The following ERCC4 variants were observed in gnomAD, a reference collection of about 807,000 sequenced individuals.
The protein encoded by ERCC4 is ERCC excision repair 4, endonuclease catalytic subunit.
In ERCC4, 65 loss-of-function variants were observed where a neutral mutation model predicts 76.9. The ratio of observed to expected loss-of-function variants is 0.84; its 90% CI spans 0.69 to 1.04. The LOEUF (loss-of-function observed/expected upper bound fraction) is 1.04, where lower values mean the gene tolerates loss of function less well. Ranked by LOEUF, ERCC4 falls within the 50% of genes least tolerant of loss-of-function variation. The pLI is 0.00. For missense variants in ERCC4, 1,214 were observed against 1,128.2 expected (o/e 1.08, Z -1.09); for synonymous variants, 463 against 410.1 (o/e 1.13, Z -1.56).
At chr16:13,937,934 G>A (rs961391264) in intron 9 of ERCC4, 76 bp downstream of exon 9, 2 of 921,572 alleles carry the variant, frequency 2.2e-6, no homozygotes, top group African/African-American at 1.6e-5. Context: ...AGATAGTCCT[G>A]CTCAGGAAGG....
intron 9 of ERCC4, among the ~76,000 whole-genome samples, chr16:13,944,317 G>A (rs3136202): frequency 0.41 from 62,588 of 151,760 alleles, 14,525 homozygotes; most frequent in African/African-American, 0.63. Flanking sequence ...ACCCCTATTT[G>A]TGATTACCCT....
chr16:13,923,796 C>T (rs1378805662), intron 2 of ERCC4, among the ~76,000 whole-genome samples: 2 of 152,188 alleles, frequency 1.3e-5, no homozygotes, highest in East Asian at 1.9e-4. Flanking sequence ...AATCTTGATA[C>T]ACCAGTCTTT....
At chr16:13,926,002 C>G (rs1430255977) in intron 2 of ERCC4, among the ~76,000 whole-genome samples, 1 of 152,046 alleles carries the variant, frequency 6.6e-6, no homozygotes, top group Non-Finnish European at 1.5e-5. Flanking sequence ...ACTAATTTAC[C>G]TCTGAATTGA....
At chr16:13,936,466 C>G (rs1468324193) in intron 8 of ERCC4, among the ~76,000 whole-genome samples, 2 of 152,332 alleles carry the variant, frequency 1.3e-5, no homozygotes, top group South Asian at 2.1e-4. Flanking sequence ...TTAGATGAGG[C>G]TGGTAAAATA....
chr16:13,945,118 G>A (rs1410530826), intron 10 of ERCC4, among the ~76,000 whole-genome samples: 1 of 152,140 alleles, frequency 6.6e-6, no homozygotes, highest in African/African-American at 2.4e-5. Context: ...TTTATATTTG[G>A]TTGGTTGAGA....
In ERCC4 at chr16:13,944,823, A is replaced by T. The variant is rs769863971; in HGVS notation, c.2005A>T (p.Thr669Ser). The T allele has an allele frequency of 6.2e-7, 1 of 1,610,534 alleles. No individual in the cohort carries two copies. The highest frequency in any genetic ancestry group is 1.3e-5 in the African/African-American group (1 of 74,868). Reference protein sequence around the residue: ...GTASADVSTDTRKAGGQEQNG... With the variant: ...GTASADVSTDSRKAGGQEQNG... ...AGCATCTGCAGATGTTTCCACTGAC[A>T]CTCGGAAAGCCGGTGAGTCCTGCAC... The change falls in exon 10 of 11, where the codon ACT becomes TCT. Residue 669 changes from threonine (T) to serine (S), a missense_variant. Thr to Ser is a moderately conservative substitution (Grantham distance 58, BLOSUM62 1). Coordinates refer to ENST00000311895, the MANE Select transcript of ERCC4 (RefSeq NM_005236.3).
At chr16:13,941,918 G>T (rs971144334) in intron 9 of ERCC4, among the ~76,000 whole-genome samples, 4 of 152,182 alleles carry the variant, frequency 2.6e-5, no homozygotes, top group African/African-American at 7.2e-5. Context: ...GTTGTACACG[G>T]TATTCAAATA....
In ERCC4 at chr16:13,944,817, A is replaced by G; in HGVS notation, c.1999A>G (p.Thr667Ala). ...AGGCACAGCATCTGCAGATGTTTCC[A>G]CTGACACTCGGAAAGCCGGTGAGTC... ...VRGTASADVS[T>A]DTRKAGGQEQ... is the part of the protein sequence containing the mutation. Residue 667 changes from threonine (T) to alanine (A), a missense_variant, in exon 10 of 11, where the codon ACT (threonine) becomes GCT (alanine). Transcript: ENST00000311895. The G allele has an allele frequency of 3.7e-6, 6 of 1,612,082 alleles. No individual in the cohort carries two copies. The highest frequency in any genetic ancestry group is 5.1e-6 in the Non-Finnish European group (6 of 1,178,116).
intron 10 of ERCC4, 43 bp downstream of exon 10, chr16:13,944,878 G>A (rs1014349227): frequency 3.9e-6 from 5 of 1,269,622 alleles, no homozygotes; most frequent in Admixed American, 1.7e-5. Context: ...GCCTGCAAAG[G>A]GGGCTGTGAA....
Position 13,949,730 on chromosome 16 carries a change from G to A in ERCC4, c.*1383G>A, listed in dbSNP as rs2032595258. ...AATAGGATATTCACAGCATCTTTGTGCAGTTTTTAAACTTTTATATTTAAA... is the reference window on the plus strand; with the variant it reads ...AATAGGATATTCACAGCATCTTTGTACAGTTTTTAAACTTTTATATTTAAA... On this transcript the variant is annotated 3_prime_UTR_variant, in exon 11 of 11. Transcript: ENST00000311895. 4.3e-6 allele frequency: 1 copy of A among 232,590 alleles called. No homozygotes were observed. 14.4% of individuals were successfully genotyped at this position (232,590 alleles called of 1,614,324 possible). A position where few individuals can be genotyped will look rare whatever the true frequency, so the allele number is the denominator to read the frequency against.
chr16:13,920,232 G>C lies in ERCC4; in HGVS notation c.67G>C (p.Val23Leu). Residue 23 changes from valine to leucine, a missense_variant, in exon 1 of 11, where the codon GTG becomes CTG. Coordinates refer to ENST00000311895, the MANE Select transcript of ERCC4 (RefSeq NM_005236.3). ...APLLEYERQL[V>L]LELLDTDGLV... is the part of the protein sequence containing the mutation. ...GCTGCTGGAGTACGAGCGACAGCTG[G>C]TGCTGGAACTGCTCGACACTGACGG... The C allele has an allele frequency of 6.2e-7, 1 of 1,607,974 alleles. No homozygotes were observed. The highest frequency in any genetic ancestry group is 8.5e-7 in the Non-Finnish European group (1 of 1,179,954).
chr16:13,926,665 A>G lies in ERCC4; in HGVS notation c.493A>G (p.Thr165Ala). 1 of 1,614,114 alleles carries G rather than the reference A, an allele frequency of 6.2e-7. No individual in the cohort carries two copies. Among genetic ancestry groups the G allele is most frequent in the Non-Finnish European group, 8.5e-7 (1 of 1,179,960 alleles). Residue 165 changes from threonine to alanine, a missense_variant, in exon 3 of 11, where the codon ACA becomes GCA. Physicochemically the swap from Thr to Ala is moderately conservative, Grantham distance 58 (BLOSUM62 0). Transcript: ENST00000311895. ...KNKRGFIKAF[T>A]DNAVAFDTGF... ...CAAACGTGGTTTTATTAAAGCTTTC[A>G]CAGACAATGCTGTTGCCTTTGATAC...
rs377562755 is a variant in ERCC4, at chr16:13,948,130, A to G, written c.2534A>G (p.Asn845Ser). 58 of 1,614,050 alleles carry G rather than the reference A, an allele frequency of 3.6e-5. No homozygotes were observed. Among genetic ancestry groups the G allele is most frequent in the Non-Finnish European group, 4.7e-5 (55 of 1,180,038 alleles). ...ACCCTTCCCGAGTCAGAGAAGTATA[A>G]TCCTGGTCCCCAAGACTTCTTGTTA... ...SETLPESEKYNPGPQDFLLKM... is the reference protein window; with the variant it reads ...SETLPESEKYSPGPQDFLLKM... The change falls in exon 11 of 11, where the codon AAT becomes AGT. Residue 845 changes from asparagine (N) to serine (S), a missense_variant. Physicochemically the swap from Asn to Ser is conservative, Grantham distance 46 (BLOSUM62 1). Coordinates refer to ENST00000311895, the MANE Select transcript of ERCC4 (RefSeq NM_005236.3).
rs1260638465 is a variant in ERCC4, at chr16:13,930,817, G to T, written c.900G>T (p.Gln300His). 1.2e-6 allele frequency: 2 copies of T among 1,613,150 alleles called. No individual in the cohort carries two copies. The highest frequency in any genetic ancestry group is 1.7e-6 in the Non-Finnish European group (2 of 1,179,148). ...GAACTTTGCTGCAGTATCTCTCTCA[G>T]TATGATTGTGTCACATTTCTTAATC... ...ILRTLLQYLS[Q>H]YDCVTFLNLL... The change falls in exon 5 of 11, where the codon CAG becomes CAT. Residue 300 changes from glutamine to histidine, a missense_variant. Transcript: ENST00000311895.
At chr16:13,945,196 C>T (rs573044200) in intron 10 of ERCC4, among the ~76,000 whole-genome samples, 2 of 152,274 alleles carry the variant, frequency 1.3e-5, no homozygotes, top group African/African-American at 4.8e-5. Flanking sequence ...ACCTAAAAAG[C>T]CAGTTTAACT....
chr16:13,932,569 G>A, intron 6 of ERCC4: 1 of 527,034 alleles, frequency 1.9e-6, no homozygotes, highest in Middle Eastern at 5.0e-4. Flanking sequence ...TGCTACATGA[G>A]GAGCTATATA....
intron 1 of ERCC4, 25 bp downstream of exon 1, chr16:13,920,397 G>A: frequency 6.5e-7 from 1 of 1,541,648 alleles, no homozygotes; most frequent in South Asian, 1.2e-5. Flanking sequence ...GCGCGGGAGT[G>A]AGGGGACTCC....
chr16:13,942,405 T>A (rs2032428152), intron 9 of ERCC4, among the ~76,000 whole-genome samples: 1 of 152,226 alleles, frequency 6.6e-6, no homozygotes, highest in African/African-American at 2.4e-5. Context: ...ATGGAAACAA[T>A]TGTGGAATTA....
intron 4 of ERCC4, among the ~76,000 whole-genome samples, chr16:13,928,968 A>G (rs1314966258): frequency 6.6e-6 from 1 of 152,208 alleles, no homozygotes. Flanking sequence ...AAAGGAAAAA[A>G]TTGACTTATT....
Sources: allele counts gnomAD v4.1 joint callset (sites outside exome capture counted in the v4.1 genomes callset), GRCh38; gene constraint gnomAD v4.1.1; transcripts MANE v1.5; gene names NCBI Gene and HGNC (gene_info 2026-07-23, HGNC 2026-07-21).